The following ATXN1 variants were observed in gnomAD, a reference collection of about 807,000 sequenced individuals.
ATXN1 encodes the protein ataxin 1, also known as ataxin-1.
ATXN1 carries 8 observed loss-of-function variants against 56.4 expected under a neutral mutation model. The observed-to-expected ratio is 0.14, with a 90% CI of 0.08 to 0.26. ATXN1 has a LOEUF of 0.26. Ranked by LOEUF, ATXN1 falls within the 10% of genes least tolerant of loss-of-function variation. The pLI, the probability that ATXN1 is intolerant of heterozygous loss-of-function variation, is 1.00. For missense variants in ATXN1, 987 were observed against 1,106.5 expected, an observed-to-expected ratio of 0.89 and a Z score of 1.53; for synonymous variants, 514 against 494.6, an observed-to-expected ratio of 1.04 and a Z score of -0.52.
At chr6:16,692,407 T>A (rs902708059) in intron 2 of ATXN1, among the ~76,000 whole-genome samples, 18 of 152,244 alleles carry the variant, frequency 1.2e-4, no homozygotes, top group African/African-American at 4.3e-4. Context: ...GGTTCTCAGA[T>A]GACTTGCTAT....
intron 5 of ATXN1, among the ~76,000 whole-genome samples, chr6:16,487,201 A>G (rs895532608): frequency 2.0e-5 from 3 of 152,216 alleles, no homozygotes; most frequent in African/African-American, 7.2e-5. Context: ...GTGCTACACT[A>G]GAATCTTGTT....
intron 6 of ATXN1, among the ~76,000 whole-genome samples, chr6:16,335,247 T>C (rs1761091597): frequency 6.6e-6 from 1 of 152,240 alleles, no homozygotes; most frequent in Non-Finnish European, 1.5e-5. Flanking sequence ...AGCGTGGAGC[T>C]TCATGGGGCA....
At chr6:16,336,412 G>A (rs1761124312) in intron 6 of ATXN1, among the ~76,000 whole-genome samples, 1 of 152,150 alleles carries the variant, frequency 6.6e-6, no homozygotes, top group Non-Finnish European at 1.5e-5. Context: ...CTGGTGAGAC[G>A]TTCAGTAAGG....
At chr6:16,670,799 T>C (rs1758525235) in intron 2 of ATXN1, among the ~76,000 whole-genome samples, 1 of 152,202 alleles carries the variant, frequency 6.6e-6, no homozygotes, top group South Asian at 2.1e-4. Context: ...CAGAAACAAA[T>C]GTTATTTTTA....
intron 2 of ATXN1, among the ~76,000 whole-genome samples, chr6:16,742,479 G>A (rs551455357): frequency 6.6e-6 from 1 of 152,340 alleles, no homozygotes; most frequent in East Asian, 1.9e-4. Flanking sequence ...AAGGGCCTTA[G>A]GGTACTCTCC....
intron 7 of ATXN1, among the ~76,000 whole-genome samples, chr6:16,307,925 G>C (rs889641355): frequency 6.6e-6 from 1 of 152,114 alleles, no homozygotes; most frequent in Non-Finnish European, 1.5e-5. Context: ...AGGCCAAGGC[G>C]CGTGGATCAC....
At chr6:16,420,204 C>T (rs1231634469) in intron 6 of ATXN1, among the ~76,000 whole-genome samples, 5 of 152,216 alleles carry the variant, frequency 3.3e-5, no homozygotes, top group Non-Finnish European at 2.9e-5. Context: ...ACGTGAGCTG[C>T]AGTGTTCTAT....
At chr6:16,358,446 T>C (rs1397240998) in intron 6 of ATXN1, among the ~76,000 whole-genome samples, 8 of 152,230 alleles carry the variant, frequency 5.3e-5, no homozygotes, top group African/African-American at 1.9e-4. Context: ...ATTGTATGTA[T>C]ATATCACAGA....
intron 4 of ATXN1, among the ~76,000 whole-genome samples, chr6:16,564,492 G>C (rs1762177971): frequency 6.6e-6 from 1 of 152,046 alleles, no homozygotes; most frequent in Admixed American, 6.5e-5. Flanking sequence ...AACAAAATAA[G>C]GTATAGCCAT....
chr6:16,577,904 T>C (rs1030132575), intron 4 of ATXN1, among the ~76,000 whole-genome samples: 1 of 152,202 alleles, frequency 6.6e-6, no homozygotes, highest in Non-Finnish European at 1.5e-5. Context: ...GATATTATAA[T>C]TATTTCTATT....
chr6:16,631,237 C>A (rs1249850643), intron 3 of ATXN1, among the ~76,000 whole-genome samples: 2 of 152,184 alleles, frequency 1.3e-5, no homozygotes, highest in Non-Finnish European at 2.9e-5. Flanking sequence ...CTTTCTGACT[C>A]CATGCCCACT....
intron 4 of ATXN1, among the ~76,000 whole-genome samples, chr6:16,542,232 C>A (rs1249726744): frequency 6.6e-6 from 1 of 152,142 alleles, no homozygotes; most frequent in African/African-American, 2.4e-5. Flanking sequence ...GGGTTCTCTG[C>A]ACAGCCACAC....
intron 6 of ATXN1, among the ~76,000 whole-genome samples, chr6:16,457,872 G>A (rs1488216934): frequency 6.6e-6 from 1 of 152,166 alleles, no homozygotes. Flanking sequence ...CAGGCTATCA[G>A]TTATGTCTCC....
At position 16,657,785 on chromosome 6, in the gene ATXN1, T is replaced by A. The variant is rs1255774801; in HGVS notation, c.-498A>T. ...CTTTTGGATGACTTACCAAAAACCA[T>A]TTGTGTTTCAAGACCATCCGTGCAG... On this transcript the variant is annotated 5_prime_UTR_variant, in exon 3 of 8. The change abolishes an upstream ATG in the 5' untranslated region. Coordinates refer to ENST00000436367, the MANE Select transcript of ATXN1 (RefSeq NM_001128164.2). The A allele has an allele frequency of 6.6e-6, 1 of 152,196 alleles. No homozygotes were observed. Among genetic ancestry groups the A allele is most frequent in the South Asian group, 2.1e-4 (1 of 4,826 alleles). The allele number at this position is 152,196 out of a possible 1,614,324, so 9.4% of individuals were successfully genotyped here.
chr6:16,704,123 A>G lies in ATXN1; in HGVS notation c.-614-46222T>C, dbSNP rs938938444. On this transcript the variant is annotated intron_variant, in intron 2 of 7. Coordinates refer to ENST00000436367, the MANE Select transcript of ATXN1 (RefSeq NM_001128164.2). ...AAATCTGTATAAGAGAGCAGGCAAA[A>G]CACGTCATGGAGCCCACACTGTACG... is the stretch of plus-strand genomic sequence containing the variant. Among the ~76,000 whole-genome samples, 9 of 152,332 alleles carry G rather than the reference A, an allele frequency of 5.9e-5. No individual in the cohort carries two copies. The South Asian group carries it at 8.3e-4, about 14-fold the overall frequency.
At chr6:16,349,171 A>G (rs1177115231) in intron 6 of ATXN1, among the ~76,000 whole-genome samples, 2 of 152,046 alleles carry the variant, frequency 1.3e-5, no homozygotes, top group Non-Finnish European at 2.9e-5. Context: ...CCTCTTCTCT[A>G]CCTCCTTCAC....
intron 2 of ATXN1, among the ~76,000 whole-genome samples, chr6:16,705,878 A>C (rs1389281873): frequency 1.3e-5 from 2 of 152,072 alleles, no homozygotes; most frequent in Non-Finnish European, 2.9e-5. Flanking sequence ...CACTAACAGA[A>C]TGAAATCACT....
At chr6:16,587,931 A>G (rs1010962773) in intron 3 of ATXN1, among the ~76,000 whole-genome samples, 1 of 136,992 alleles carries the variant, frequency 7.3e-6, no homozygotes, top group Admixed American at 7.2e-5. Context: ...AACTCTGTCT[A>G]AAAAAAAAAA....
intron 2 of ATXN1, among the ~76,000 whole-genome samples, chr6:16,692,160 A>G (rs949656236): frequency 2.6e-5 from 4 of 152,180 alleles, no homozygotes; most frequent in African/African-American, 9.7e-5. Context: ...GGAGGCTGAG[A>G]CAGTAGAATT....
Sources: gnomAD v4.1 joint callset for allele counts (sites outside exome capture counted in the v4.1 genomes callset) on GRCh38, gnomAD v4.1.1 for gene constraint, MANE v1.5 for transcripts, NCBI Gene and HGNC (gene_info 2026-07-23, HGNC 2026-07-21) for gene names.